The following PRDM12 variants were observed in gnomAD, a reference collection of about 807,000 sequenced individuals.
PRDM12 encodes PR domain zinc finger protein 12.
Under a neutral mutation model 29.6 loss-of-function variants are expected in PRDM12, and 17 were observed. The ratio of observed to expected loss-of-function variants is 0.57; its 90% CI spans 0.39 to 0.86. The LOEUF (loss-of-function observed/expected upper bound fraction) is 0.86, where lower values mean the gene tolerates loss of function less well. PRDM12 is among the 40% of genes least tolerant of loss of function. The pLI, the probability that PRDM12 is intolerant of heterozygous loss-of-function variation, is 0.00. For synonymous variants in PRDM12, 231 were observed against 225.8 expected (o/e 1.02, Z -0.21); for missense variants, 422 against 510.8 (o/e 0.83, Z 1.68).
At chr9:130,671,829 T>G (rs1342265006) in intron 3 of PRDM12, among the ~76,000 whole-genome samples, 1 of 152,274 alleles carries the variant, frequency 6.6e-6, no homozygotes, top group Non-Finnish European at 1.5e-5. Context: ...TCTTAAACTT[T>G]CTGCCACTCA....
At chr9:130,680,659 A>ATATATTTTTT in intron 4 of PRDM12, among the ~76,000 whole-genome samples, 27 of 72,158 alleles carry the variant, frequency 3.7e-4, no homozygotes, top group African/African-American at 2.0e-3. Context: ...ATATATATAT[A>ATATATTTTTT]TTTTTTTTTT....
intron 3 of PRDM12, among the ~76,000 whole-genome samples, chr9:130,676,558 C>A (rs1362958293): frequency 6.6e-6 from 1 of 152,194 alleles, no homozygotes; most frequent in African/African-American, 2.4e-5. Flanking sequence ...TCTTCTCTGC[C>A]CCTTTCCAGC....
chr9:130,672,830 C>T (rs1830801836), intron 3 of PRDM12, among the ~76,000 whole-genome samples: 1 of 152,174 alleles, frequency 6.6e-6, no homozygotes, highest in Admixed American at 6.5e-5. Flanking sequence ...CTCCTGGGAG[C>T]ATGTTCAGTG....
At chr9:130,677,929 G>A (rs969763792) in intron 3 of PRDM12, among the ~76,000 whole-genome samples, 4 of 152,168 alleles carry the variant, frequency 2.6e-5, no homozygotes, top group Non-Finnish European at 5.9e-5. Flanking sequence ...GTACCCCAAT[G>A]TTTCCTGGGG....
intron 2 of PRDM12, among the ~76,000 whole-genome samples, chr9:130,667,954 G>C (rs1009728894): frequency 9.2e-5 from 14 of 152,224 alleles, no homozygotes; most frequent in Admixed American, 9.2e-4. Context: ...CCTGGAGACT[G>C]ATCCCCTGTG....
intron 1 of PRDM12, among the ~76,000 whole-genome samples, chr9:130,665,779 C>A (rs1022248966): frequency 6.6e-6 from 1 of 152,212 alleles, no homozygotes; most frequent in African/African-American, 2.4e-5. Flanking sequence ...CCCTTTCAGC[C>A]GGCCCGCTCG....
intron 3 of PRDM12, among the ~76,000 whole-genome samples, chr9:130,670,520 G>A (rs1400798568): frequency 6.6e-6 from 1 of 152,158 alleles, no homozygotes; most frequent in African/African-American, 2.4e-5. Flanking sequence ...CGGCCGTGGG[G>A]CAGGGTGCAG....
At chr9:130,677,753 G>A (rs560104547) in intron 3 of PRDM12, among the ~76,000 whole-genome samples, 1 of 152,174 alleles carries the variant, frequency 6.6e-6, no homozygotes. Context: ...CCCAGAAGCA[G>A]GCCCCTTACG....
intron 3 of PRDM12, among the ~76,000 whole-genome samples, chr9:130,670,415 G>A (rs1354455951): frequency 6.6e-6 from 1 of 152,128 alleles, no homozygotes; most frequent in Non-Finnish European, 1.5e-5. Flanking sequence ...GCCTAGCCTG[G>A]GTCCCAGCTG....
At chr9:130,680,793 G>C (rs1830892713) in intron 4 of PRDM12, among the ~76,000 whole-genome samples, 1 of 151,240 alleles carries the variant, frequency 6.6e-6, no homozygotes, top group South Asian at 2.1e-4. Flanking sequence ...TGAAAGGTTT[G>C]GGGGCAGGGG....
intron 3 of PRDM12, among the ~76,000 whole-genome samples, chr9:130,675,852 A>T (rs1340563335): frequency 6.6e-6 from 1 of 152,140 alleles, no homozygotes; most frequent in African/African-American, 2.4e-5. Flanking sequence ...AAGAACCATG[A>T]CATCAACGTG....
chr9:130,666,907 G>C, intron 2 of PRDM12, 109 bp downstream of exon 2: 2 of 1,412,782 alleles, frequency 1.4e-6, no homozygotes, highest in Non-Finnish European at 1.9e-6. Context: ...GAGAGCGGCG[G>C]ACACTCCTGG....
intron 3 of PRDM12, among the ~76,000 whole-genome samples, chr9:130,674,337 C>G (rs1439452479): frequency 1.3e-5 from 2 of 151,960 alleles, no homozygotes; most frequent in Admixed American, 6.6e-5. Context: ...TTAGTAGAAA[C>G]AGGGTTTCAC....
chr9:130,669,038 C>T (rs770198488), intron 3 of PRDM12, among the ~76,000 whole-genome samples: 10 of 152,266 alleles, frequency 6.6e-5, no homozygotes, highest in African/African-American at 1.7e-4. Context: ...AGCCTGAACA[C>T]GGTGGCTTAT....
At chr9:130,673,073 G>A (rs944473089) in intron 3 of PRDM12, among the ~76,000 whole-genome samples, 7 of 152,194 alleles carry the variant, frequency 4.6e-5, no homozygotes, top group African/African-American at 1.7e-4. Flanking sequence ...TGCTTTGTTT[G>A]TTTTGTGTCC....
intron 3 of PRDM12, 89 bp from the exon 4 acceptor site, chr9:130,678,440 C>A (rs759731482): frequency 2.0e-5 from 18 of 912,066 alleles, no homozygotes; most frequent in Non-Finnish European, 3.1e-5. Context: ...GGGTCCGGGT[C>A]TCCTGGCTGT....
At position 130,664,629 on chromosome 9, in the gene PRDM12, G is replaced by GGCGC; in HGVS notation, c.-24_-21dup. ...TCCCCCGTCGGCCCGGCCGTCCCCC[G>GGCGC]GCGCCGGGGAGCTCCGGGCCGCCCA... On this transcript the variant is annotated 5_prime_UTR_variant, in exon 1 of 5. Coordinates refer to ENST00000253008, the MANE Select transcript of PRDM12 (RefSeq NM_021619.3). This position sits in a 1 kb window ranked among gnomAD's most constrained non-coding sequence, Gnocchi z 6.4. 1 of 944,882 alleles carries GGCGC rather than the reference G, an allele frequency of 1.1e-6. No homozygotes were observed. Among genetic ancestry groups the GGCGC allele is most frequent in the Non-Finnish European group, 1.4e-6 (1 of 695,500 alleles). The allele number at this position is 944,882 out of a possible 1,614,324, so 58.5% of individuals were successfully genotyped here.
In PRDM12 at chr9:130,667,492, C is replaced by A. The variant is rs992966085; in HGVS notation, c.415-666C>A. On this transcript the variant is annotated intron_variant, in intron 2 of 4. Transcript: ENST00000253008. ...CCACTGAGGCCAGACTGGTGCACACCCTTCCTAAACTCATTCCCTCGCCCG... is the reference window on the plus strand; with the variant it reads ...CCACTGAGGCCAGACTGGTGCACACACTTCCTAAACTCATTCCCTCGCCCG... Among the ~76,000 whole-genome samples, 5 of 151,792 alleles carry A rather than the reference C, an allele frequency of 3.3e-5. No homozygotes were observed. In the South Asian group the frequency reaches 8.3e-4, roughly 25 times the overall value.
chr9:130,666,952 C>G (rs1830739657), intron 2 of PRDM12, among the ~76,000 whole-genome samples, 154 bp downstream of exon 2: 1 of 152,218 alleles, frequency 6.6e-6, no homozygotes, highest in African/African-American at 2.4e-5. Flanking sequence ...TCTAAGCCGC[C>G]CGAGCCTGGA....
Sources: allele counts gnomAD v4.1 joint callset (sites outside exome capture counted in the v4.1 genomes callset), GRCh38; gene constraint gnomAD v4.1.1; non-coding constraint Gnocchi (gnomAD v3.1); transcripts MANE v1.5; gene names NCBI Gene and HGNC (gene_info 2026-07-23, HGNC 2026-07-21).